CHODL: variants seen among roughly 807,000 people sequenced by gnomAD.
CHODL encodes the protein transmembrane protein MT75.
A neutral mutation model predicts 34.5 loss-of-function variants in CHODL; 29 were observed. The ratio of observed to expected loss-of-function variants is 0.84; its 90% CI spans 0.63 to 1.15. The LOEUF (loss-of-function observed/expected upper bound fraction) is 1.15, where lower values mean the gene tolerates loss of function less well. Ranked by LOEUF, CHODL falls within the 50% of genes most tolerant of loss-of-function variation. The probability of loss-of-function intolerance (pLI) is 0.00; values close to 1 mark genes in which losing one functional copy is unlikely to be tolerated. For missense variants in CHODL, 332 were observed against 332.5 expected (o/e 1.00, Z 0.01); for synonymous variants, 125 against 116.1 (o/e 1.08, Z -0.49).
chr21:18,046,550 T>C (rs1035686074), intron 2 of CHODL, among the ~76,000 whole-genome samples: 2 of 152,048 alleles, frequency 1.3e-5, no homozygotes, highest in East Asian at 3.9e-4. Context: ...GTAATGGTAA[T>C]GTCATTTATT....
At chr21:17,938,360 C>G (rs1003236273) in intron 1 of CHODL, among the ~76,000 whole-genome samples, 1 of 146,042 alleles carries the variant, frequency 6.8e-6, no homozygotes, top group African/African-American at 2.6e-5. Context: ...GCAGTAGATA[C>G]AGTTGAATAA....
chr21:18,030,695 G>T (rs1173898444), intron 2 of CHODL, among the ~76,000 whole-genome samples: 1 of 152,148 alleles, frequency 6.6e-6, no homozygotes, highest in Non-Finnish European at 1.5e-5. Context: ...ACTGAAGACA[G>T]TGGAAATCTC....
At chr21:18,157,555 A>G (rs1339270440) in intron 2 of CHODL, among the ~76,000 whole-genome samples, 1 of 152,236 alleles carries the variant, frequency 6.6e-6, no homozygotes, top group Non-Finnish European at 1.5e-5. Context: ...TGTGTCAGCC[A>G]AACAGCAGAT....
intron 2 of CHODL, among the ~76,000 whole-genome samples, chr21:18,133,205 G>A (rs1033951704): frequency 1.3e-5 from 2 of 152,134 alleles, no homozygotes; most frequent in Non-Finnish European, 2.9e-5. Flanking sequence ...AGCCCTTTGT[G>A]TGCAATCCCT....
intron 2 of CHODL, among the ~76,000 whole-genome samples, chr21:18,090,994 C>T (rs963026317): frequency 1.3e-5 from 2 of 152,218 alleles, no homozygotes; most frequent in African/African-American, 4.8e-5. Context: ...TTCTCCATTT[C>T]CTGGCAGTGA....
At chr21:18,008,443 A>G (rs1395095977) in intron 1 of CHODL, among the ~76,000 whole-genome samples, 2 of 152,148 alleles carry the variant, frequency 1.3e-5, no homozygotes, top group East Asian at 3.9e-4. Context: ...TTCATTTTGC[A>G]TAAAGAAATT....
intron 1 of CHODL, among the ~76,000 whole-genome samples, chr21:17,953,111 T>C: frequency 6.6e-6 from 1 of 152,084 alleles, no homozygotes; most frequent in Non-Finnish European, 1.5e-5. Context: ...TATCAAGCAA[T>C]AATAAAATAA....
intron 2 of CHODL, among the ~76,000 whole-genome samples, chr21:18,147,316 A>C (rs2072904377): frequency 1.3e-5 from 2 of 152,172 alleles, no homozygotes; most frequent in South Asian, 4.1e-4. Flanking sequence ...AAGTAGCTAG[A>C]ATCTACCACA....
chr21:18,003,359 G>A (rs898264555), intron 1 of CHODL, among the ~76,000 whole-genome samples: 11 of 148,096 alleles, frequency 7.4e-5, no homozygotes, highest in Non-Finnish European at 1.0e-4. Context: ...CAGATTATAA[G>A]ACTTCAGAAA....
intron 2 of CHODL, among the ~76,000 whole-genome samples, chr21:18,120,201 G>A (rs1400526281): frequency 1.3e-5 from 2 of 152,142 alleles, no homozygotes; most frequent in Non-Finnish European, 2.9e-5. Flanking sequence ...ATTGAGCTAT[G>A]TCCAACATAA....
intron 1 of CHODL, among the ~76,000 whole-genome samples, chr21:17,984,969 A>G (rs749537583): frequency 2.0e-5 from 3 of 152,154 alleles, no homozygotes; most frequent in Non-Finnish European, 4.4e-5. Context: ...TCGCAATATT[A>G]TAACTTCACA....
chr21:18,111,652 G>A (rs886966560), intron 2 of CHODL, among the ~76,000 whole-genome samples: 1 of 152,062 alleles, frequency 6.6e-6, no homozygotes. Context: ...TTGCTTTTAG[G>A]TAGTATGTTA....
At chr21:17,922,559 T>A (rs2063191156) in intron 1 of CHODL, among the ~76,000 whole-genome samples, 1 of 152,214 alleles carries the variant, frequency 6.6e-6, no homozygotes, top group Non-Finnish European at 1.5e-5. Context: ...CACTTATCTA[T>A]GAAGTACTTT....
chr21:18,115,505 T>C (rs148638789), intron 2 of CHODL, among the ~76,000 whole-genome samples: 1 of 152,336 alleles, frequency 6.6e-6, no homozygotes, highest in African/African-American at 2.4e-5. Context: ...TGAATTTCCC[T>C]GTGAATTACT....
At chr21:18,007,365 T>C (rs1182635753) in intron 1 of CHODL, among the ~76,000 whole-genome samples, 1 of 152,220 alleles carries the variant, frequency 6.6e-6, no homozygotes, top group African/African-American at 2.4e-5. Flanking sequence ...TCTGTGTTTA[T>C]CCAATATGTA....
chr21:18,130,254 G>GA (rs1379565275), intron 2 of CHODL, among the ~76,000 whole-genome samples: 2 of 152,164 alleles, frequency 1.3e-5, no homozygotes, highest in Non-Finnish European at 2.9e-5. Context: ...GACAAAATTA[G>GA]ATAATTATTA....
At chr21:18,263,135 A>G (rs1318213214) in intron 5 of CHODL, among the ~76,000 whole-genome samples, 2 of 152,132 alleles carry the variant, frequency 1.3e-5, no homozygotes, top group Non-Finnish European at 2.9e-5. Context: ...GGTGTCTTAG[A>G]TGGGTTACCT....
intron 2 of CHODL, among the ~76,000 whole-genome samples, chr21:18,052,151 G>A (rs530159363): frequency 2.6e-5 from 4 of 152,012 alleles, no homozygotes; most frequent in African/African-American, 9.6e-5. Context: ...AAATAGATCC[G>A]GAGAAATCTT....
chr21:17,975,806 A>G (rs2146367913), intron 1 of CHODL, among the ~76,000 whole-genome samples: 1 of 152,190 alleles, frequency 6.6e-6, no homozygotes, highest in East Asian at 1.9e-4. Flanking sequence ...AGAATCTATG[A>G]TACTTAAATT....
Sources: allele counts gnomAD v4.1 joint callset (sites outside exome capture counted in the v4.1 genomes callset), GRCh38; gene constraint gnomAD v4.1.1; transcripts MANE v1.5; gene names NCBI Gene and HGNC (gene_info 2026-07-23, HGNC 2026-07-21).